STIM1: variants seen among roughly 807,000 people sequenced by gnomAD.
STIM1 encodes the protein stromal interaction molecule 1.
STIM1 carries 25 observed loss-of-function variants against 74.7 expected under a neutral mutation model. The ratio of observed to expected loss-of-function variants is 0.33; its 90% confidence interval spans 0.24 to 0.47. STIM1 has a LOEUF of 0.47. Ranked by LOEUF, STIM1 falls within the 20% of genes least tolerant of loss-of-function variation. The pLI is 1.00. For synonymous variants in STIM1, 328 were observed against 348.8 expected, an observed-to-expected ratio of 0.94 and a Z score of 0.66; for missense variants, 728 against 920.8, an observed-to-expected ratio of 0.79 and a Z score of 2.71.
chr11:3,985,143 C>G (rs1053175420), intron 2 of STIM1, among the ~76,000 whole-genome samples: 1 of 152,142 alleles, frequency 6.6e-6, no homozygotes, highest in Admixed American at 6.5e-5. Flanking sequence ...GAAAACCCGA[C>G]GGTGGCTTGC....
intron 1 of STIM1, among the ~76,000 whole-genome samples, chr11:3,919,358 A>G (rs2092689944): frequency 6.6e-6 from 1 of 152,128 alleles, no homozygotes; most frequent in African/African-American, 2.4e-5. Context: ...GGCATGCGCC[A>G]CCATGTCCAG....
intron 2 of STIM1, among the ~76,000 whole-genome samples, chr11:4,006,254 T>C (rs774625710): frequency 3.7e-4 from 56 of 152,172 alleles, no homozygotes; most frequent in Non-Finnish European, 4.4e-4. Flanking sequence ...TGGCTGTGTA[T>C]GGTGTGTCTG....
intron 12 of STIM1, chr11:4,088,809 A>G (rs1329594832): frequency 5.6e-5 from 82 of 1,470,990 alleles, no homozygotes; most frequent in Middle Eastern, 3.5e-4. Context: ...GATTGTTCTC[A>G]GTGATTCAGG....
intron 5 of STIM1, among the ~76,000 whole-genome samples, chr11:4,064,450 T>A (rs1409002401): frequency 5.3e-5 from 8 of 152,192 alleles, no homozygotes; most frequent in Non-Finnish European, 1.2e-4. Context: ...TTCTTAAGGC[T>A]GAGTGAGCAG....
At chr11:4,061,350 C>T (rs1438815568) in intron 5 of STIM1, among the ~76,000 whole-genome samples, 2 of 152,118 alleles carry the variant, frequency 1.3e-5, no homozygotes, top group East Asian at 3.9e-4. Context: ...AGCCCATGTG[C>T]TGCATGTGAT....
intron 3 of STIM1, among the ~76,000 whole-genome samples, chr11:4,028,655 CT>C (rs1417122299): frequency 6.6e-6 from 1 of 152,022 alleles, no homozygotes; most frequent in Non-Finnish European, 1.5e-5. Context: ...GGTGATCCGC[CT>C]GCCTCGGCCT....
chr11:3,978,937 A>T (rs1590618823), intron 2 of STIM1, among the ~76,000 whole-genome samples: 1 of 152,084 alleles, frequency 6.6e-6, no homozygotes, highest in Admixed American at 6.6e-5. Flanking sequence ...AGCTCATGCT[A>T]CTAGTTCATG....
At chr11:4,038,118 T>A (rs2094118859) in intron 3 of STIM1, among the ~76,000 whole-genome samples, 2 of 151,126 alleles carry the variant, frequency 1.3e-5, no homozygotes, top group African/African-American at 4.9e-5. Context: ...TACTGCAACC[T>A]CTGTCTCTTG....
intron 1 of STIM1, among the ~76,000 whole-genome samples, chr11:3,926,263 A>T (rs183686816): frequency 5.5e-4 from 84 of 152,270 alleles, no homozygotes; most frequent in African/African-American, 2.0e-3. Context: ...TTCCTTGCAC[A>T]CTGGGGAGCT....
intron 11 of STIM1, among the ~76,000 whole-genome samples, chr11:4,085,543 GA>G (rs1262030155): frequency 1.3e-5 from 2 of 152,146 alleles, no homozygotes; most frequent in Admixed American, 6.5e-5. Flanking sequence ...ATTGGAAAGC[GA>G]AAAAGAGTGA....
chr11:4,062,457 TA>T, intron 5 of STIM1, among the ~76,000 whole-genome samples: 1 of 152,164 alleles, frequency 6.6e-6, no homozygotes, highest in South Asian at 2.1e-4. Context: ...CTGTCTCTAC[TA>T]AAAAAATACA....
chr11:4,084,637 A>C (rs2094482386), intron 10 of STIM1, 36 bp from the exon 11 acceptor site: 1 of 1,285,576 alleles, frequency 7.8e-7, no homozygotes, highest in African/African-American at 1.5e-5. Context: ...CATAAATCAG[A>C]TTCTCTTCTC....
At chr11:3,922,229 T>C (rs1405650757) in intron 1 of STIM1, among the ~76,000 whole-genome samples, 1 of 152,184 alleles carries the variant, frequency 6.6e-6, no homozygotes, top group Admixed American at 6.5e-5. Context: ...CTAACACCAC[T>C]GTTATCACAT....
At chr11:3,897,447 G>C (rs1226233980) in intron 1 of STIM1, among the ~76,000 whole-genome samples, 4 of 152,156 alleles carry the variant, frequency 2.6e-5, no homozygotes, top group Non-Finnish European at 4.4e-5. Flanking sequence ...CTGGGTAACT[G>C]TGGAATAGCA....
chr11:3,968,417 G>A (rs2093360323), intron 2 of STIM1, among the ~76,000 whole-genome samples: 1 of 152,124 alleles, frequency 6.6e-6, no homozygotes, highest in South Asian at 2.1e-4. Flanking sequence ...ATCACGATGG[G>A]GGAGATATCC....
In STIM1 at chr11:3,943,415, A is replaced by G. The variant is rs371136462; in HGVS notation, c.140-24137A>G. On this transcript the variant is annotated intron_variant, in intron 1 of 12. Transcript: ENST00000526596. Reference sequence around the variant, plus strand: ...TCCTGGTTTGGCTGGTAACTTGATGACACACCATACCTATTCTTACCTCCA... The same window carrying G: ...TCCTGGTTTGGCTGGTAACTTGATGGCACACCATACCTATTCTTACCTCCA... 1.6e-4 allele frequency among the ~76,000 whole-genome samples: 25 copies of G among 152,302 alleles called. No individual in the cohort carries two copies. In the South Asian group the frequency reaches 3.5e-3, roughly 21 times the overall value.
chr11:3,974,286 G>A, intron 2 of STIM1: 1 of 312,636 alleles, frequency 3.2e-6, no homozygotes, highest in South Asian at 9.9e-5. Flanking sequence ...GGCATCCATG[G>A]GTAGAAAAAG....
At chr11:4,018,484 A>AC (rs2093923521) in intron 2 of STIM1, among the ~76,000 whole-genome samples, 1 of 148,090 alleles carries the variant, frequency 6.8e-6, no homozygotes, top group Admixed American at 6.8e-5. Context: ...AAAAAAAAAA[A>AC]AACAAACAAA....
chr11:3,895,683 C>CTTCCTTCCTTCT (rs2092083651), intron 1 of STIM1, among the ~76,000 whole-genome samples: 11 of 37,998 alleles, frequency 2.9e-4, no homozygotes, highest in Middle Eastern at 0.01. Flanking sequence ...TCCTTCCTTC[C>CTTCCTTCCTTCT]TTCTTTCTTT....
Sources: allele counts gnomAD v4.1 joint callset (sites outside exome capture counted in the v4.1 genomes callset), GRCh38; gene constraint gnomAD v4.1.1; transcripts MANE v1.5; gene names NCBI Gene and HGNC (gene_info 2026-07-23, HGNC 2026-07-21).